Variants in SLC35F1 observed in about 807,000 individuals in gnomAD.
SLC35F1 encodes solute carrier family 35 member F1.
SLC35F1 carries 14 observed loss-of-function variants against 48.7 expected under a neutral mutation model. The observed-to-expected ratio is 0.29, with a 90% CI of 0.19 to 0.45. The LOEUF (loss-of-function observed/expected upper bound fraction) is 0.45, where lower values mean the gene tolerates loss of function less well. Ranked by LOEUF, SLC35F1 falls within the 20% of genes least tolerant of loss-of-function variation. The pLI, the probability that SLC35F1 is intolerant of heterozygous loss-of-function variation, is 1.00. For synonymous variants in SLC35F1, 190 were observed against 202.2 expected, an observed-to-expected ratio of 0.94 and a Z score of 0.51; for missense variants, 404 against 500.0, an observed-to-expected ratio of 0.81 and a Z score of 1.83.
intron 1 of SLC35F1, among the ~76,000 whole-genome samples, chr6:118,071,017 A>ATATATATTCTATGTG (rs372918807): frequency 0.19 from 15,787 of 82,062 alleles, 5,180 homozygotes; most frequent in East Asian, 0.45. Context: ...TACACGTAGT[A>ATATATATTCTATGTG]TATATATTCT....
intron 3 of SLC35F1, among the ~76,000 whole-genome samples, chr6:118,255,385 A>T (rs1429157689): frequency 6.6e-6 from 1 of 152,210 alleles, no homozygotes; most frequent in Non-Finnish European, 1.5e-5. Context: ...GATGATCAGA[A>T]CTTGTTTTTA....
chr6:118,067,576 G>C (rs969590586), intron 1 of SLC35F1, among the ~76,000 whole-genome samples: 3 of 152,172 alleles, frequency 2.0e-5, no homozygotes, highest in Admixed American at 6.5e-5. Flanking sequence ...CCAGGAGACA[G>C]AGAATTTCAA....
rs1307476330 is a variant in SLC35F1 at position 118,315,414 on chromosome 6, G to A, written c.*1162G>A. 1 of 145,944 alleles carries A rather than the reference G, an allele frequency of 6.9e-6. No individual in the cohort carries two copies. The highest frequency in any genetic ancestry group is 1.5e-5 in the Non-Finnish European group (1 of 66,638). 9.0% of individuals were successfully genotyped at this position (145,944 alleles called of 1,614,324 possible). ...CATATTTGGCATCCATTCAATAACA[G>A]ATATATTGACACGACATTCTTTTTT... On this transcript the variant is annotated 3_prime_UTR_variant, in exon 8 of 8. Transcript: ENST00000360388.
chr6:118,029,156 T>C (rs1772003352), intron 1 of SLC35F1, among the ~76,000 whole-genome samples: 1 of 152,048 alleles, frequency 6.6e-6, no homozygotes, highest in East Asian at 1.9e-4. Flanking sequence ...CATTATCCTC[T>C]AGATGTAGAG....
At chr6:118,210,302 G>A (rs74399330) in intron 2 of SLC35F1, among the ~76,000 whole-genome samples, 26 of 152,072 alleles carry the variant, frequency 1.7e-4, no homozygotes, top group Middle Eastern at 6.8e-3. Flanking sequence ...TTTCATGTTC[G>A]TCATTTTCTA....
chr6:118,036,810 C>T (rs1205040645), intron 1 of SLC35F1, among the ~76,000 whole-genome samples: 1 of 152,194 alleles, frequency 6.6e-6, no homozygotes, highest in African/African-American at 2.4e-5. Flanking sequence ...ATCCTCCTGC[C>T]TTGGCCTCCC....
chr6:118,294,434 A>G (rs968963402), intron 7 of SLC35F1, among the ~76,000 whole-genome samples: 2 of 152,230 alleles, frequency 1.3e-5, no homozygotes, highest in African/African-American at 2.4e-5. Flanking sequence ...CTTCAGGAAA[A>G]TAGCAGCTGA....
At chr6:118,279,866 A>G (rs1361803241) in intron 6 of SLC35F1, among the ~76,000 whole-genome samples, 1 of 152,216 alleles carries the variant, frequency 6.6e-6, no homozygotes, top group African/African-American at 2.4e-5. Flanking sequence ...CACTTTCCAC[A>G]TTAGTAATCT....
chr6:118,159,956 C>T (rs1053899543), intron 2 of SLC35F1, among the ~76,000 whole-genome samples: 1 of 152,186 alleles, frequency 6.6e-6, no homozygotes, highest in Non-Finnish European at 1.5e-5. Context: ...TCCCTTTCTT[C>T]TGCTACCATT....
intron 2 of SLC35F1, among the ~76,000 whole-genome samples, chr6:118,167,676 G>A (rs1419806060): frequency 1.3e-5 from 2 of 152,322 alleles, no homozygotes; most frequent in Non-Finnish European, 2.9e-5. Context: ...AGTGGCAAGT[G>A]AATGTGAAGG....
chr6:118,188,195 T>C (rs1214619921), intron 2 of SLC35F1, among the ~76,000 whole-genome samples: 1 of 152,246 alleles, frequency 6.6e-6, no homozygotes, highest in African/African-American at 2.4e-5. Context: ...TTACATTTGT[T>C]ATACTTTTGT....
chr6:117,997,377 C>T (rs1251305382), intron 1 of SLC35F1, among the ~76,000 whole-genome samples: 1 of 147,156 alleles, frequency 6.8e-6, no homozygotes, highest in Non-Finnish European at 1.5e-5. Flanking sequence ...AGAACTTCCC[C>T]CATCTAGCAA....
intron 1 of SLC35F1, among the ~76,000 whole-genome samples, chr6:117,950,716 A>G (rs1323939872): frequency 1.3e-5 from 2 of 152,198 alleles, no homozygotes; most frequent in Non-Finnish European, 2.9e-5. Context: ...ATATAGAGAA[A>G]CCATCTGAAA....
chr6:118,204,542 G>T (rs1774910107), intron 2 of SLC35F1, among the ~76,000 whole-genome samples: 1 of 152,146 alleles, frequency 6.6e-6, no homozygotes, highest in Non-Finnish European at 1.5e-5. Flanking sequence ...AATACGTACA[G>T]CTCTCAGGCT....
chr6:117,924,424 CAT>C (rs1454919071), intron 1 of SLC35F1, among the ~76,000 whole-genome samples: 1 of 119,760 alleles, frequency 8.4e-6, no homozygotes, highest in Admixed American at 7.9e-5. Flanking sequence ...TATATATACA[CAT>C]ACGCATAACA....
intron 3 of SLC35F1, among the ~76,000 whole-genome samples, chr6:118,244,268 C>G (rs1775477741): frequency 6.6e-6 from 1 of 152,242 alleles, no homozygotes; most frequent in Non-Finnish European, 1.5e-5. Context: ...GCTTAACCCA[C>G]AGAGTTCTTG....
rs901931578 is a variant in SLC35F1 at position 117,952,005 on chromosome 6, C to T, written c.173+44106C>T. Among the ~76,000 whole-genome samples the T allele has an allele frequency of 3.9e-5, 6 of 152,266 alleles. No homozygotes were observed. The East Asian group carries it at 5.8e-4, about 15-fold the overall frequency. On this transcript the variant is annotated intron_variant, in intron 1 of 7. Transcript: ENST00000360388. Reference sequence around the variant, plus strand: ...ATGCTGCCTGAGTTGTGGCTGCCAGCCGGCAGCCTGCCTCATGCTGTGTCC... The same window carrying T: ...ATGCTGCCTGAGTTGTGGCTGCCAGTCGGCAGCCTGCCTCATGCTGTGTCC...
chr6:117,999,877 T>C (rs1213029213), intron 1 of SLC35F1, among the ~76,000 whole-genome samples: 71 of 148,606 alleles, frequency 4.8e-4, no homozygotes, highest in Non-Finnish European at 9.0e-5. Context: ...TCGACACATA[T>C]ACCCTCCCAA....
chr6:118,009,198 G>A (rs1027349639), intron 1 of SLC35F1, among the ~76,000 whole-genome samples: 1 of 152,134 alleles, frequency 6.6e-6, no homozygotes, highest in Non-Finnish European at 1.5e-5. Flanking sequence ...GGATACCATA[G>A]GGAGAACACA....
Sources: allele counts gnomAD v4.1 joint callset (sites outside exome capture counted in the v4.1 genomes callset), GRCh38; gene constraint gnomAD v4.1.1; transcripts MANE v1.5; gene names NCBI Gene and HGNC (gene_info 2026-07-23, HGNC 2026-07-21).